The following SNX8 variants were observed in gnomAD, a reference collection of about 807,000 sequenced individuals.
The protein encoded by SNX8 is sorting nexin-8.
Under a neutral mutation model 51.6 loss-of-function variants are expected in SNX8, and 25 were observed. The ratio of observed to expected loss-of-function variants is 0.48; its 90% CI spans 0.35 to 0.68. The LOEUF is 0.68. SNX8 is among the 30% of genes least tolerant of loss of function. The pLI is 0.00. For missense variants in SNX8, 695 were observed against 624.0 expected, an observed-to-expected ratio of 1.11 and a Z score of -1.21; for synonymous variants, 324 against 277.0, an observed-to-expected ratio of 1.17 and a Z score of -1.68.
At chr7:2,272,026 C>T in intron 3 of SNX8, 55 bp from the exon 4 acceptor site, 2 of 1,604,714 alleles carry the variant, frequency 1.2e-6, no homozygotes. Flanking sequence ...CCCCCATCTT[C>T]TGCTCTGGGC....
chr7:2,323,329 CAA>C (rs35005505), intron 1 of SNX8, among the ~76,000 whole-genome samples: 7,734 of 105,626 alleles, frequency 0.073, 316 homozygotes, highest in African/African-American at 0.21. Context: ...GAGTCTGTCT[CAA>C]AAAAAAAAAA....
intron 1 of SNX8, among the ~76,000 whole-genome samples, chr7:2,335,087 T>C (rs1778802440): frequency 6.6e-6 from 1 of 150,978 alleles, no homozygotes; most frequent in Non-Finnish European, 1.5e-5. Context: ...TCCCAGCTAC[T>C]TGGGAGGCTG....
At chr7:2,276,367 C>T (rs1337025984) in intron 2 of SNX8, among the ~76,000 whole-genome samples, 1 of 152,244 alleles carries the variant, frequency 6.6e-6, no homozygotes, top group Admixed American at 6.5e-5. Context: ...GCGGCTCTGA[C>T]ACGGTCCTCC....
At chr7:2,300,598 G>A (rs956952334) in intron 1 of SNX8, among the ~76,000 whole-genome samples, 11 of 151,626 alleles carry the variant, frequency 7.3e-5, no homozygotes, top group Non-Finnish European at 1.3e-4. Context: ...TTTTTTTGTA[G>A]AGAAAAGGTC....
At chr7:2,288,347 TAAA>T (rs538014195) in intron 1 of SNX8, 10 of 120,546 alleles carry the variant, frequency 8.3e-5, no homozygotes, top group Admixed American at 1.8e-4. Context: ...AAGACTGTCT[TAAA>T]AAAAAAAAAA....
chr7:2,284,168 G>A (rs966841360), intron 1 of SNX8, among the ~76,000 whole-genome samples: 16 of 152,046 alleles, frequency 1.1e-4, no homozygotes, highest in African/African-American at 3.9e-4. Context: ...GACCTCAGGT[G>A]ATCCACCCGC....
Position 2,263,239 on chromosome 7 carries a change from A to G in SNX8, c.906T>C (p.Ala302=). ...GAACCGATCCACTCACCTGTTGTGC[A>G]GCCTTGTCGGCGAGCAGCGCGAATT... ...SVEFALLADK[A]AQQGKQEEND... is the part of the protein sequence containing the mutation. Residue 302 remains alanine, a synonymous_variant, in exon 7 of 11, where the codon GCT becomes GCC. Transcript: ENST00000222990. 1.2e-6 allele frequency: 2 copies of G among 1,613,896 alleles called. No homozygotes were observed. The highest frequency in any genetic ancestry group is 1.7e-6 in the Non-Finnish European group (2 of 1,180,000).
chr7:2,323,611 A>G (rs1031285000), intron 1 of SNX8, among the ~76,000 whole-genome samples: 1 of 152,094 alleles, frequency 6.6e-6, no homozygotes, highest in African/African-American at 2.4e-5. Flanking sequence ...GGAGCCGCTA[A>G]ATGATATGGC....
chr7:2,266,810 C>T (rs1009873014), intron 5 of SNX8, among the ~76,000 whole-genome samples: 8 of 152,018 alleles, frequency 5.3e-5, no homozygotes, highest in Non-Finnish European at 8.8e-5. Context: ...AAGGAGCCAC[C>T]GCGCCAGCCT....
Position 2,257,809 on chromosome 7 carries a change from AG to A in SNX8, c.916-7del. ...TCGTTCTCTTCCTGCTTACCCTGGA[AG>A]GCGAGGGGGAGCTCACCCACGCGGA... On this transcript the variant is annotated splice_polypyrimidine_tract_variant and splice_region_variant and intron_variant, in intron 7 of 10. Transcript: ENST00000222990. 1.2e-6 allele frequency: 2 copies of A among 1,613,802 alleles called. No homozygotes were observed. The highest frequency in any genetic ancestry group is 1.7e-6 in the Non-Finnish European group (2 of 1,179,894).
At chr7:2,303,234 A>G (rs1284235244) in intron 1 of SNX8, among the ~76,000 whole-genome samples, 1 of 119,064 alleles carries the variant, frequency 8.4e-6, no homozygotes, top group African/African-American at 3.3e-5. Context: ...GAGGGAGGTC[A>G]GGGGGTCAGC....
chr7:2,277,630 C>G (rs1043358195), intron 2 of SNX8, among the ~76,000 whole-genome samples: 5 of 76,530 alleles, frequency 6.5e-5, no homozygotes, highest in African/African-American at 2.2e-4. Context: ...GAAACCCTGT[C>G]TCTACTAAAA....
chr7:2,310,363 C>A, intron 1 of SNX8, among the ~76,000 whole-genome samples: 1 of 152,168 alleles, frequency 6.6e-6, no homozygotes, highest in East Asian at 1.9e-4. Flanking sequence ...GTGCCTCATG[C>A]CTGAAATCCC....
intron 1 of SNX8, among the ~76,000 whole-genome samples, chr7:2,280,938 G>A (rs1198369680): frequency 6.6e-6 from 1 of 151,868 alleles, no homozygotes. Context: ...GATGACAGGC[G>A]TGCACCAATA....
intron 1 of SNX8, among the ~76,000 whole-genome samples, chr7:2,349,565 C>A (rs1583131473): frequency 6.6e-6 from 1 of 151,442 alleles, no homozygotes; most frequent in African/African-American, 2.4e-5. Flanking sequence ...CTGCCTCAGC[C>A]TCCCAAGAAG....
At chr7:2,258,859 G>A (rs985610526) in intron 7 of SNX8, among the ~76,000 whole-genome samples, 3 of 152,176 alleles carry the variant, frequency 2.0e-5, no homozygotes, top group East Asian at 3.9e-4. Flanking sequence ...CACAGCAAAC[G>A]GCGGGCAGCC....
chr7:2,292,015 A>G (rs952825254), intron 1 of SNX8, among the ~76,000 whole-genome samples: 5 of 152,112 alleles, frequency 3.3e-5, no homozygotes, highest in African/African-American at 1.2e-4. Context: ...TGTAATCCCA[A>G]CACTCTGGGA....
At position 2,314,387 on chromosome 7, in the gene SNX8, G is replaced by A; in HGVS notation, c.35C>T (p.Ala12Val). ...TGRAMDPLPA[A>V]AVGAAAEAEA... is the part of the protein sequence containing the mutation. ...CGCCTCAGCTGCCGCCCCGACTGCA[G>A]CCGCGGGCAGCGGGTCCATCGCGCG... is the stretch of plus-strand genomic sequence containing the variant. The change falls in exon 1 of 11, where the codon GCT becomes GTT. Residue 12 changes from alanine (A) to valine (V), a missense_variant. Coordinates refer to ENST00000222990, the MANE Select transcript of SNX8 (RefSeq NM_013321.4). 8.2e-7 allele frequency: 1 copy of A among 1,221,446 alleles called. No individual in the cohort carries two copies. Among genetic ancestry groups the A allele is most frequent in the Non-Finnish European group, 1.0e-6 (1 of 980,952 alleles). The allele number at this position is 1,221,446 out of a possible 1,614,324, so 75.7% of individuals were successfully genotyped here. A position where few individuals can be genotyped will look rare whatever the true frequency, so the allele number is the denominator to read the frequency against.
chr7:2,260,917 G>T (rs756389874), intron 7 of SNX8, among the ~76,000 whole-genome samples: 8 of 152,184 alleles, frequency 5.3e-5, no homozygotes, highest in Non-Finnish European at 1.2e-4. Flanking sequence ...TCTTCAAGGT[G>T]GAAATGCGGC....
Sources: allele counts gnomAD v4.1 joint callset (sites outside exome capture counted in the v4.1 genomes callset), GRCh38; gene constraint gnomAD v4.1.1; transcripts MANE v1.5; gene names NCBI Gene and HGNC (gene_info 2026-07-23, HGNC 2026-07-21).